The following PIGK variants were observed in gnomAD, a reference collection of about 807,000 sequenced individuals.
PIGK encodes the protein phosphatidylinositol glycan anchor biosynthesis class K.
PIGK carries 42 observed loss-of-function variants against 50.6 expected under a neutral mutation model. The observed-to-expected ratio is 0.83, with a 90% CI of 0.65 to 1.07. PIGK has a LOEUF of 1.07. PIGK is among the 50% of genes least tolerant of loss of function. The probability of loss-of-function intolerance (pLI) is 0.00; values close to 1 mark genes in which losing one functional copy is unlikely to be tolerated. For synonymous variants in PIGK, 151 were observed against 156.0 expected, an observed-to-expected ratio of 0.97 and a Z score of 0.24; for missense variants, 448 against 488.7, an observed-to-expected ratio of 0.92 and a Z score of 0.78.
intron 2 of PIGK, among the ~76,000 whole-genome samples, chr1:77,208,937 A>C (rs987416691): frequency 4.6e-5 from 7 of 152,196 alleles, no homozygotes; most frequent in Non-Finnish European, 7.4e-5. Flanking sequence ...TCAGTAAGTT[A>C]ATTATAGTCT....
intron 9 of PIGK, among the ~76,000 whole-genome samples, chr1:77,150,489 CAAA>C (rs541372066): frequency 1.2e-5 from 1 of 86,072 alleles, no homozygotes. Context: ...GACTCAATCT[CAAA>C]AAAAAAAAAA....
At chr1:77,171,794 A>G (rs1655369982) in intron 3 of PIGK, among the ~76,000 whole-genome samples, 1 of 152,122 alleles carries the variant, frequency 6.6e-6, no homozygotes, top group Admixed American at 6.5e-5. Flanking sequence ...AATGTACAGA[A>G]CTCTTTTCTA....
chr1:77,160,190 T>C (rs947813002), intron 8 of PIGK, among the ~76,000 whole-genome samples: 4 of 152,208 alleles, frequency 2.6e-5, no homozygotes, highest in African/African-American at 9.6e-5. Flanking sequence ...CCTGCCACCA[T>C]GTAAGATGTG....
chr1:77,125,697 T>C (rs866531620), intron 9 of PIGK, among the ~76,000 whole-genome samples: 3 of 152,106 alleles, frequency 2.0e-5, no homozygotes, highest in Non-Finnish European at 4.4e-5. Flanking sequence ...TTGATTGTTA[T>C]AAATCAAGTT....
At chr1:77,195,416 T>C in intron 3 of PIGK, 4 of 1,053,558 alleles carry the variant, frequency 3.8e-6, no homozygotes, top group South Asian at 1.7e-5. Flanking sequence ...CTTAGGGTGC[T>C]CACTTCCTGT....
rs367908477 is a variant in PIGK, at chr1:77,106,710, CTATTA to C, written c.1072-14225_1072-14221del. Among the ~76,000 whole-genome samples, 51 of 152,052 alleles carry C rather than the reference CTATTA, an allele frequency of 3.4e-4. No individual in the cohort carries two copies. In the South Asian group the frequency reaches 5.4e-3, roughly 16 times the overall value. ...AAGACAGCACGCTAATGTTTATTGTCTATTATAATAATTACTTGATAATTTAGTTA... is the reference window on the plus strand; with the variant it reads ...AAGACAGCACGCTAATGTTTATTGTCTAATAATTACTTGATAATTTAGTTA... On this transcript the variant is annotated intron_variant, in intron 10 of 10. Transcript: ENST00000370812.
chr1:77,190,969 T>C (rs1279148557), intron 3 of PIGK, among the ~76,000 whole-genome samples: 1 of 152,206 alleles, frequency 6.6e-6, no homozygotes, highest in Non-Finnish European at 1.5e-5. Flanking sequence ...CACCTCACCG[T>C]TCCCTTCCCC....
At chr1:77,209,991 T>C (rs1656380020) in intron 2 of PIGK, among the ~76,000 whole-genome samples, 2 of 152,102 alleles carry the variant, frequency 1.3e-5, no homozygotes, top group African/African-American at 4.8e-5. Flanking sequence ...AAAATTAGTC[T>C]GCCTTCTTTA....
intron 5 of PIGK, among the ~76,000 whole-genome samples, chr1:77,165,985 G>A (rs1217702712): frequency 6.6e-6 from 1 of 152,090 alleles, no homozygotes; most frequent in African/African-American, 2.4e-5. Context: ...GAATAATCAA[G>A]CAGGCAAAGT....
chr1:77,202,708 C>A (rs537147248), intron 3 of PIGK, among the ~76,000 whole-genome samples: 9 of 152,094 alleles, frequency 5.9e-5, no homozygotes, highest in African/African-American at 1.9e-4. Flanking sequence ...AGAAAAAAAA[C>A]AGTGTTAGAT....
Position 77,160,104 on chromosome 1 carries a change from G to A in PIGK, c.813+1191C>T, listed in dbSNP as rs188421695. On this transcript the variant is annotated intron_variant, in intron 8 of 10. Coordinates refer to ENST00000370812, the MANE Select transcript of PIGK (RefSeq NM_005482.3). ...AATCATGTGGGGCAGTTACTCTCAT[G>A]CTATTCTCATGATAGTGAGTTCTCA... Among the ~76,000 whole-genome samples the A allele has an allele frequency of 2.6e-5, 4 of 152,278 alleles. No homozygotes were observed. In the East Asian group the frequency reaches 7.7e-4, roughly 29 times the overall value.
intron 9 of PIGK, among the ~76,000 whole-genome samples, chr1:77,133,362 A>C (rs1654422806): frequency 1.3e-5 from 2 of 152,160 alleles, no homozygotes; most frequent in Admixed American, 1.3e-4. Context: ...AGCTCTGGTG[A>C]AACTCCCCAC....
intron 3 of PIGK, among the ~76,000 whole-genome samples, chr1:77,204,633 T>A (rs1570262679): frequency 6.6e-6 from 1 of 152,240 alleles, no homozygotes; most frequent in East Asian, 1.9e-4. Flanking sequence ...CATCCAGCTT[T>A]AAAATTTCTC....
chr1:77,212,216 T>C (rs1326432735), intron 1 of PIGK, among the ~76,000 whole-genome samples: 1 of 152,178 alleles, frequency 6.6e-6, no homozygotes, highest in African/African-American at 2.4e-5. Context: ...TAAGCCATAC[T>C]GACCTCAGAT....
intron 4 of PIGK, 131 bp from the exon 5 acceptor site, chr1:77,166,961 C>A (rs1655249538): frequency 5.2e-6 from 3 of 581,242 alleles, no homozygotes; most frequent in Non-Finnish European, 9.1e-6. Flanking sequence ...AAATAAAACA[C>A]CCAAAAATTA....
At chr1:77,157,923 C>T (rs1655044485) in intron 8 of PIGK, among the ~76,000 whole-genome samples, 1 of 152,276 alleles carries the variant, frequency 6.6e-6, no homozygotes, top group East Asian at 1.9e-4. Flanking sequence ...TAAGATGTGC[C>T]CTTACACCTC....
At chr1:77,134,179 G>C (rs1054109058) in intron 9 of PIGK, among the ~76,000 whole-genome samples, 1 of 152,120 alleles carries the variant, frequency 6.6e-6, no homozygotes, top group South Asian at 2.1e-4. Flanking sequence ...TGCTGCACCC[G>C]GAAAAAGCAA....
intron 3 of PIGK, among the ~76,000 whole-genome samples, chr1:77,179,896 A>G (rs989604845): frequency 1.2e-4 from 18 of 152,184 alleles, no homozygotes; most frequent in African/African-American, 4.1e-4. Context: ...CATTCTTTGA[A>G]TGCCATTTAT....
intron 1 of PIGK, among the ~76,000 whole-genome samples, chr1:77,210,952 T>C (rs1017762376): frequency 6.6e-6 from 1 of 152,014 alleles, no homozygotes; most frequent in Non-Finnish European, 1.5e-5. Context: ...CTATTTCCCG[T>C]ACCCTGAGAA....
Sources: allele counts gnomAD v4.1 joint callset (sites outside exome capture counted in the v4.1 genomes callset), GRCh38; gene constraint gnomAD v4.1.1; transcripts MANE v1.5; gene names NCBI Gene and HGNC (gene_info 2026-07-23, HGNC 2026-07-21).